ARHGAP24: variants seen among roughly 807,000 people sequenced by gnomAD.
ARHGAP24 encodes Rho GTPase activating protein 24.
Under a neutral mutation model 76.4 loss-of-function variants are expected in ARHGAP24, and 50 were observed. That is an observed-to-expected ratio of 0.65 (90% confidence interval 0.52 to 0.83). The LOEUF is 0.83. ARHGAP24 is among the 40% of genes least tolerant of loss of function. The probability of loss-of-function intolerance (pLI) is 0.00; values close to 1 mark genes in which losing one functional copy is unlikely to be tolerated. For synonymous variants in ARHGAP24, 345 were observed against 323.3 expected (o/e 1.07, Z -0.72); for missense variants, 930 against 914.2 (o/e 1.02, Z -0.22).
chr4:85,815,946 T>C (rs1467252725), intron 3 of ARHGAP24, among the ~76,000 whole-genome samples: 1 of 152,156 alleles, frequency 6.6e-6, no homozygotes, highest in Non-Finnish European at 1.5e-5. Context: ...ATGTCTCACA[T>C]AGCGGCAGCA....
At chr4:85,961,306 A>G (rs74553442) in intron 5 of ARHGAP24, among the ~76,000 whole-genome samples, 2 of 151,246 alleles carry the variant, frequency 1.3e-5, no homozygotes, top group Non-Finnish European at 3.0e-5. Flanking sequence ...TGTTGAAGTA[A>G]AAGGGACAAG....
intron 2 of ARHGAP24, among the ~76,000 whole-genome samples, chr4:85,654,761 T>A (rs1374821602): frequency 6.6e-6 from 1 of 152,210 alleles, no homozygotes; most frequent in East Asian, 1.9e-4. Context: ...TCCTAGCTAC[T>A]AACATTTTTA....
intron 1 of ARHGAP24, among the ~76,000 whole-genome samples, chr4:85,535,076 T>C (rs1361057028): frequency 5.3e-5 from 8 of 152,196 alleles, no homozygotes; most frequent in Non-Finnish European, 1.2e-4. Context: ...AAACTCTAAA[T>C]ATGTTATTTC....
Position 85,586,328 on chromosome 4 carries a change from G to T in ARHGAP24, c.180+15607G>T, listed in dbSNP as rs184644604. ...TCTTTGTTCATACTTTCTTACCAGA[G>T]ATCTACGAAGCAGCTTTGGCCCAAA... On this transcript the variant is annotated intron_variant, in intron 2 of 9. Coordinates refer to ENST00000395184, the MANE Select transcript of ARHGAP24 (RefSeq NM_001025616.3). 3.3e-5 allele frequency among the ~76,000 whole-genome samples: 5 copies of T among 152,262 alleles called. No individual in the cohort carries two copies. In the East Asian group the frequency reaches 9.7e-4, roughly 29 times the overall value.
At chr4:85,618,005 C>T (rs1380483965) in intron 2 of ARHGAP24, among the ~76,000 whole-genome samples, 1 of 152,148 alleles carries the variant, frequency 6.6e-6, no homozygotes, top group African/African-American at 2.4e-5. Flanking sequence ...GTAGTAAGAA[C>T]ATTTAAGATC....
chr4:85,960,430 A>G (rs1357455230), intron 5 of ARHGAP24, among the ~76,000 whole-genome samples: 2 of 152,150 alleles, frequency 1.3e-5, no homozygotes, highest in African/African-American at 4.8e-5. Flanking sequence ...ATCACTGTGG[A>G]TATTCATTGA....
intron 3 of ARHGAP24, among the ~76,000 whole-genome samples, chr4:85,839,843 C>CTTTTTT (rs33974767): frequency 4.8e-4 from 51 of 105,626 alleles, no homozygotes; most frequent in South Asian, 8.7e-4. Context: ...TTTCTGTTTT[C>CTTTTTT]TTTTTTTTTT....
chr4:85,771,109 A>G (rs369245916), intron 3 of ARHGAP24, among the ~76,000 whole-genome samples: 1 of 152,226 alleles, frequency 6.6e-6, no homozygotes, highest in East Asian at 1.9e-4. Flanking sequence ...TACACACTAT[A>G]TCTGTGTATT....
chr4:85,649,011 A>ATGTGTGTGTGTGTGTGTGTGTGTG (rs3028048), intron 2 of ARHGAP24, among the ~76,000 whole-genome samples: 1 of 147,922 alleles, frequency 6.8e-6, no homozygotes, highest in African/African-American at 2.6e-5. Context: ...ATTTGTAAAT[A>ATGTGTGTGTGTGTGTGTGTGTGTG]TGTGTGTGTG....
intron 3 of ARHGAP24, among the ~76,000 whole-genome samples, chr4:85,890,078 T>TTTTGAAATCAACCTG (rs1391116838): frequency 2.6e-5 from 4 of 152,186 alleles, no homozygotes; most frequent in Non-Finnish European, 5.9e-5. Context: ...AGATTCCCTG[T>TTTTGAAATCAACCTG]TTTGAAAAGT....
chr4:85,669,879 A>G (rs1722766095), intron 2 of ARHGAP24, among the ~76,000 whole-genome samples: 1 of 151,900 alleles, frequency 6.6e-6, no homozygotes, highest in Non-Finnish European at 1.5e-5. Context: ...CAGAAAAAAT[A>G]AACCCAGCAT....
chr4:85,595,899 T>C (rs1218311978), intron 2 of ARHGAP24, among the ~76,000 whole-genome samples: 1 of 152,020 alleles, frequency 6.6e-6, no homozygotes, highest in Non-Finnish European at 1.5e-5. Context: ...GTTGACTTTG[T>C]AATGATGATC....
At chr4:85,870,626 G>A (rs1445708052) in intron 3 of ARHGAP24, among the ~76,000 whole-genome samples, 1 of 152,098 alleles carries the variant, frequency 6.6e-6, no homozygotes, top group African/African-American at 2.4e-5. Context: ...GAACATACGA[G>A]TGCTTGGAGA....
At chr4:85,487,970 ATCTCGGC>A (rs1723200296) in intron 1 of ARHGAP24, among the ~76,000 whole-genome samples, 1 of 146,062 alleles carries the variant, frequency 6.8e-6, no homozygotes, top group Admixed American at 7.2e-5. Context: ...CAGTGGCGTG[ATCTCGGC>A]TCACTGCAAG....
intron 2 of ARHGAP24, among the ~76,000 whole-genome samples, chr4:85,720,578 A>T (rs954755622): frequency 6.6e-6 from 1 of 152,208 alleles, no homozygotes; most frequent in East Asian, 1.9e-4. Flanking sequence ...TGAAGCTCAG[A>T]GTGTCCTAGA....
chr4:85,785,575 C>T (rs563025028), intron 3 of ARHGAP24, among the ~76,000 whole-genome samples: 4 of 151,598 alleles, frequency 2.6e-5, no homozygotes, highest in South Asian at 4.2e-4. Context: ...AACTACATAA[C>T]GCAAATAAAC....
chr4:85,752,154 TG>T (rs1412548570), intron 3 of ARHGAP24, among the ~76,000 whole-genome samples: 2 of 152,180 alleles, frequency 1.3e-5, no homozygotes, highest in Admixed American at 6.5e-5. Context: ...ATCTAACAGG[TG>T]CTCACTCTGC....
At chr4:85,778,044 T>C (rs1727374785) in intron 3 of ARHGAP24, among the ~76,000 whole-genome samples, 1 of 152,166 alleles carries the variant, frequency 6.6e-6, no homozygotes, top group Non-Finnish European at 1.5e-5. Flanking sequence ...GTGTCTAGTT[T>C]AAGAGCCGTG....
intron 1 of ARHGAP24, among the ~76,000 whole-genome samples, chr4:85,533,270 T>C (rs977914162): frequency 2.6e-5 from 4 of 152,234 alleles, no homozygotes; most frequent in Non-Finnish European, 1.5e-5. Context: ...ACAGTTTATC[T>C]TTCTGTAATT....
Sources: gnomAD v4.1 joint callset for allele counts (sites outside exome capture counted in the v4.1 genomes callset) on GRCh38, gnomAD v4.1.1 for gene constraint, MANE v1.5 for transcripts, NCBI Gene and HGNC (gene_info 2026-07-23, HGNC 2026-07-21) for gene names.